Variants in CTNNA3 observed in about 807,000 individuals in gnomAD.
The protein encoded by CTNNA3 is catenin alpha 3.
Under a neutral mutation model 95.7 loss-of-function variants are expected in CTNNA3, and 76 were observed. The observed-to-expected ratio is 0.79, with a 90% CI of 0.66 to 0.96. CTNNA3 has a LOEUF of 0.96. Among genes scored for constraint, CTNNA3 ranks in the 40% least tolerant of loss-of-function variants. CTNNA3 has a pLI of 0.00. For synonymous variants in CTNNA3, 431 were observed against 374.4 expected, an observed-to-expected ratio of 1.15 and a Z score of -1.74; for missense variants, 1,191 against 1,089.8, an observed-to-expected ratio of 1.09 and a Z score of -1.31.
chr10:66,840,653 C>A (rs182803432), intron 7 of CTNNA3, among the ~76,000 whole-genome samples: 1 of 152,074 alleles, frequency 6.6e-6, no homozygotes, highest in Non-Finnish European at 1.5e-5. Flanking sequence ...TACATGAATT[C>A]GAAATTCTAA....
At chr10:66,446,003 T>C (rs1231027912) in intron 11 of CTNNA3, among the ~76,000 whole-genome samples, 3 of 151,960 alleles carry the variant, frequency 2.0e-5, no homozygotes, top group Non-Finnish European at 4.4e-5. Flanking sequence ...TCACTACCAA[T>C]CCCACAGAAA....
At chr10:67,430,562 G>A (rs1846075953) in intron 5 of CTNNA3, among the ~76,000 whole-genome samples, 1 of 151,720 alleles carries the variant, frequency 6.6e-6, no homozygotes, top group Non-Finnish European at 1.5e-5. Context: ...TAATACAAGG[G>A]AGATGGAAGG....
intron 13 of CTNNA3, among the ~76,000 whole-genome samples, chr10:66,141,788 AAC>A (rs2083632877): frequency 6.6e-6 from 1 of 152,194 alleles, no homozygotes; most frequent in Non-Finnish European, 1.5e-5. Flanking sequence ...AGTCACTGAA[AAC>A]AGTAAAACAA....
chr10:66,731,768 A>T (rs755602617), intron 9 of CTNNA3, among the ~76,000 whole-genome samples: 1 of 152,172 alleles, frequency 6.6e-6, no homozygotes, highest in African/African-American at 2.4e-5. Context: ...GAACATATTT[A>T]ACACTTTGCT....
At chr10:67,297,726 G>A (rs929883143) in intron 5 of CTNNA3, among the ~76,000 whole-genome samples, 7 of 152,132 alleles carry the variant, frequency 4.6e-5, no homozygotes, top group African/African-American at 1.2e-4. Context: ...TGCCACATCT[G>A]ATTACTACTG....
intron 11 of CTNNA3, among the ~76,000 whole-genome samples, chr10:66,486,311 G>A (rs1839723430): frequency 6.6e-6 from 1 of 152,162 alleles, no homozygotes; most frequent in Non-Finnish European, 1.5e-5. Flanking sequence ...CTGTTAAGGA[G>A]CAGATATCCA....
chr10:66,575,969 T>G (rs775321748), intron 10 of CTNNA3, among the ~76,000 whole-genome samples: 2 of 152,010 alleles, frequency 1.3e-5, no homozygotes, highest in Non-Finnish European at 2.9e-5. Context: ...GTTTGGCTGT[T>G]AAGTAAAGTT....
chr10:66,298,859 C>G (rs577043775), intron 12 of CTNNA3, among the ~76,000 whole-genome samples: 5 of 152,164 alleles, frequency 3.3e-5, no homozygotes, highest in Admixed American at 3.3e-4. Flanking sequence ...CATATGAAAC[C>G]TACGAAAGGA....
intron 15 of CTNNA3, among the ~76,000 whole-genome samples, chr10:66,042,275 T>C (rs1220912929): frequency 6.6e-6 from 1 of 152,180 alleles, no homozygotes; most frequent in Non-Finnish European, 1.5e-5. Flanking sequence ...ACTTTCTATA[T>C]TTTTAAAAAT....
intron 12 of CTNNA3, among the ~76,000 whole-genome samples, chr10:66,291,091 T>A (rs1406984461): frequency 6.6e-6 from 1 of 152,134 alleles, no homozygotes; most frequent in Non-Finnish European, 1.5e-5. Flanking sequence ...AAGTACCAGT[T>A]ATTTTGCTAG....
At chr10:67,493,211 GA>G (rs201258598) in intron 5 of CTNNA3, among the ~76,000 whole-genome samples, 2,905 of 136,510 alleles carry the variant, frequency 0.021, 77 homozygotes, top group African/African-American at 0.059. Context: ...CAACGTGGGG[GA>G]AAAAAAAAAA....
At chr10:66,861,241 G>A (rs1843909731) in intron 7 of CTNNA3, among the ~76,000 whole-genome samples, 1 of 152,146 alleles carries the variant, frequency 6.6e-6, no homozygotes, top group South Asian at 2.1e-4. Flanking sequence ...GAATAATATT[G>A]TTCTTGGTCA....
At chr10:67,042,518 A>G (rs1452051527) in intron 7 of CTNNA3, among the ~76,000 whole-genome samples, 1 of 152,004 alleles carries the variant, frequency 6.6e-6, no homozygotes, top group African/African-American at 2.4e-5. Context: ...TGTATAAGAC[A>G]TAGAGTGTGG....
chr10:66,628,802 T>C (rs973948669), intron 9 of CTNNA3, among the ~76,000 whole-genome samples: 4 of 152,002 alleles, frequency 2.6e-5, no homozygotes, highest in Non-Finnish European at 5.9e-5. Flanking sequence ...ATAGCAAGAG[T>C]TGAATCAGAT....
chr10:65,953,239 C>T (rs999287389), intron 17 of CTNNA3, among the ~76,000 whole-genome samples: 1 of 152,110 alleles, frequency 6.6e-6, no homozygotes, highest in Admixed American at 6.5e-5. Context: ...TGAGGTAAGT[C>T]AGATACATTT....
chr10:67,542,408 T>C (rs1329647427), intron 3 of CTNNA3, among the ~76,000 whole-genome samples: 4 of 152,138 alleles, frequency 2.6e-5, no homozygotes, highest in African/African-American at 7.2e-5. Flanking sequence ...GCATTGGCCC[T>C]GGTCACCACA....
At chr10:67,512,455 C>G (rs1448471390) in intron 5 of CTNNA3, among the ~76,000 whole-genome samples, 1 of 152,176 alleles carries the variant, frequency 6.6e-6, no homozygotes. Flanking sequence ...ATTGCAGCAT[C>G]ATTCATGATA....
intron 1 of CTNNA3, among the ~76,000 whole-genome samples, chr10:67,752,224 A>G (rs1841411396): frequency 6.6e-6 from 1 of 152,246 alleles, no homozygotes; most frequent in Admixed American, 6.5e-5. Flanking sequence ...GACAAAAGCC[A>G]CACAATTATC....
rs945391080 is a variant in CTNNA3 at position 66,495,229 on chromosome 10, G to C, written c.1531+25388C>G. ...TTTGGCTAGCCCATAAACTCTCAGA[G>C]TTCTTTATACATCCCACCGCCTTAG... On this transcript the variant is annotated intron_variant, in intron 11 of 17. Coordinates refer to ENST00000433211, the MANE Select transcript of CTNNA3 (RefSeq NM_013266.4). 2.0e-5 allele frequency among the ~76,000 whole-genome samples: 3 copies of C among 152,028 alleles called. No individual in the cohort carries two copies. In the South Asian group the frequency reaches 6.2e-4, roughly 32 times the overall value.
Sources: gnomAD v4.1 joint callset for allele counts (sites outside exome capture counted in the v4.1 genomes callset) on GRCh38, gnomAD v4.1.1 for gene constraint, MANE v1.5 for transcripts, NCBI Gene and HGNC (gene_info 2026-07-23, HGNC 2026-07-21) for gene names.